The following MRPS5 variants were observed in gnomAD, a reference collection of about 807,000 sequenced individuals.
MRPS5 encodes the protein mitochondrial ribosomal protein S5, also known as small ribosomal subunit protein uS5m.
A neutral mutation model predicts 51.9 loss-of-function variants in MRPS5; 27 were observed. The observed-to-expected ratio is 0.52, with a 90% confidence interval of 0.38 to 0.72. MRPS5 has a LOEUF of 0.72. MRPS5 is among the 30% of genes least tolerant of loss of function. MRPS5 has a pLI of 0.00. For synonymous variants in MRPS5, 196 were observed against 193.2 expected, an observed-to-expected ratio of 1.01 and a Z score of -0.12; for missense variants, 570 against 545.7, an observed-to-expected ratio of 1.04 and a Z score of -0.44.
At chr2:95,100,985 T>C in intron 8 of MRPS5, 91 bp from the exon 9 acceptor site, 8 of 1,153,948 alleles carry the variant, frequency 6.9e-6, no homozygotes, top group East Asian at 2.5e-5. Context: ...TGTTTCATTA[T>C]CAAAAATTCA....
At position 95,086,687 on chromosome 2, in the gene MRPS5, A is replaced by C. The variant is rs1392033677; in HGVS notation, c.*670T>G. Among the ~76,000 whole-genome samples, 1 of 152,014 alleles carries C rather than the reference A, an allele frequency of 6.6e-6. No homozygotes were observed. Among genetic ancestry groups the C allele is most frequent in the African/African-American group, 2.4e-5 (1 of 41,400 alleles). ...AAAACTTCTGTAAAGCATGTATGATAGGGGGGCTTATATCTAGAAACTATA... is the reference window on the plus strand; with the variant it reads ...AAAACTTCTGTAAAGCATGTATGATCGGGGGGCTTATATCTAGAAACTATA... On this transcript the variant is annotated 3_prime_UTR_variant, in exon 12 of 12. Transcript: ENST00000272418.
At chr2:95,099,140 A>C (rs889662511) in intron 10 of MRPS5, among the ~76,000 whole-genome samples, 20 of 151,570 alleles carry the variant, frequency 1.3e-4, no homozygotes, top group African/African-American at 4.8e-4. Context: ...AGATGGTCTC[A>C]ATCTCCGGAC....
rs1218324047 is a variant in MRPS5, at chr2:95,094,734, T to C, written c.932-4212A>G. On this transcript the variant is annotated intron_variant, in intron 10 of 11. Coordinates refer to ENST00000272418, the MANE Select transcript of MRPS5 (RefSeq NM_031902.5). ...TTACAAGAACTCCTGAAGGAAGCAC[T>C]CAACATGGAAAGGAACAACCGGTAC... Among the ~76,000 whole-genome samples, 4 of 152,108 alleles carry C rather than the reference T, an allele frequency of 2.6e-5. No individual in the cohort carries two copies. The East Asian group carries it at 5.8e-4, about 22-fold the overall frequency.
intron 1 of MRPS5, among the ~76,000 whole-genome samples, chr2:95,121,107 G>T (rs1443451083): frequency 4.6e-5 from 7 of 152,100 alleles, no homozygotes; most frequent in Admixed American, 1.3e-4. Context: ...GACAGAGTAA[G>T]ACTGTCTCAA....
intron 11 of MRPS5, among the ~76,000 whole-genome samples, chr2:95,088,712 T>A (rs929149893): frequency 6.6e-6 from 1 of 152,236 alleles, no homozygotes; most frequent in African/African-American, 2.4e-5. Context: ...TTAGGAGAGA[T>A]GACATATGGT....
At position 95,100,822 on chromosome 2, in the gene MRPS5, T is replaced by A. The variant is rs555049031; in HGVS notation, c.868+15A>T. 1.6e-5 allele frequency: 25 copies of A among 1,519,584 alleles called. No individual in the cohort carries two copies. The highest frequency in any genetic ancestry group is 4.6e-5 in the East Asian group (2 of 43,806). 94.1% of individuals were successfully genotyped at this position (1,519,584 alleles called of 1,614,324 possible). ...ATCCTGCAAATTAAAAAAAAAAAAATAGATTATCACTCACTTGTATGGTCT... is the reference window on the plus strand; with the variant it reads ...ATCCTGCAAATTAAAAAAAAAAAAAAAGATTATCACTCACTTGTATGGTCT... On this transcript the variant is annotated intron_variant, in intron 9 of 11. Coordinates refer to ENST00000272418, the MANE Select transcript of MRPS5 (RefSeq NM_031902.5).
At chr2:95,108,041 T>C (rs1002776049) in intron 5 of MRPS5, 134 bp downstream of exon 5, 12 of 711,686 alleles carry the variant, frequency 1.7e-5, no homozygotes, top group South Asian at 3.6e-5. Flanking sequence ...TGATGTGATA[T>C]GTTATTTCAA....
rs1209038914 is a variant in MRPS5 at position 95,087,505 on chromosome 2, A to G, written c.1145T>C (p.Ile382Thr). 6.2e-7 allele frequency: 1 copy of G among 1,614,162 alleles called. No homozygotes were observed. Among genetic ancestry groups the G allele is most frequent in the South Asian group, 1.1e-5 (1 of 91,080 alleles). Reference sequence around the variant, plus strand: ...GGGCCCCCGGGGGGACGCAACCACAATGGGCAGAGGGCCACATTCCTCCCG... The same window carrying G: ...GGGCCCCCGGGGGGACGCAACCACAGTGGGCAGAGGGCCACATTCCTCCCG... ...EIREECGPLP[I>T]VVASPRGPLR... Residue 382 changes from isoleucine to threonine, a missense_variant, in exon 12 of 12, where the codon ATT becomes ACT. Coordinates refer to ENST00000272418, the MANE Select transcript of MRPS5 (RefSeq NM_031902.5).
rs1675433270 is a variant in MRPS5, at chr2:95,090,502, T to C, written c.952A>G (p.Arg318Gly). Residue 318 changes from arginine (R) to glycine (G), a missense_variant, in exon 11 of 12, where the codon AGG (arginine) becomes GGG (glycine). Coordinates refer to ENST00000272418, the MANE Select transcript of MRPS5 (RefSeq NM_031902.5). ...QPKGYGLRCH[R>G]AIITICRLIG... Reference sequence around the variant, plus strand: ...AGCCGGCAGATGGTGATGATGGCCCTGTGGCAGCGGAGGCCGTAACCTAGA... The same window carrying C: ...AGCCGGCAGATGGTGATGATGGCCCCGTGGCAGCGGAGGCCGTAACCTAGA... 2 of 1,613,970 alleles carry C rather than the reference T, an allele frequency of 1.2e-6. No individual in the cohort carries two copies. The highest frequency in any genetic ancestry group is 1.7e-6 in the Non-Finnish European group (2 of 1,180,010).
Position 95,108,314 on chromosome 2 carries a change from C to T in MRPS5, c.498G>A (p.Glu166=). ...TIAQRSKEEQ[E]KVEADMIQQR... is the part of the protein sequence containing the mutation. ...GCTGGATCATGTCTGCCTCCACCTT[C>T]TCCTGCTCTTCCTTGCTTCTTTGGG... The change falls in exon 5 of 12, where the codon GAG becomes GAA. Residue 166 remains glutamate (E), a synonymous_variant. Transcript: ENST00000272418. The T allele has an allele frequency of 1.2e-6, 2 of 1,614,226 alleles. No individual in the cohort carries two copies. Among genetic ancestry groups the T allele is most frequent in the Non-Finnish European group, 1.7e-6 (2 of 1,180,046 alleles).
chr2:95,105,227 A>G (rs1675914040), intron 6 of MRPS5, among the ~76,000 whole-genome samples: 1 of 152,226 alleles, frequency 6.6e-6, no homozygotes, highest in Admixed American at 6.5e-5. Flanking sequence ...ATACCTGCTT[A>G]TTCTGTGTAT....
At chr2:95,099,396 AGTTT>A (rs1011277459) in intron 10 of MRPS5, among the ~76,000 whole-genome samples, 13 of 152,304 alleles carry the variant, frequency 8.5e-5, no homozygotes, top group Admixed American at 5.9e-4. Flanking sequence ...TTTTTTAAAA[AGTTT>A]ATTTAGAGAT....
Position 95,110,016 on chromosome 2 carries a change from G to A in MRPS5, c.303C>T (p.Gly101=), listed in dbSNP as rs113259652. 0.041 allele frequency: 66,051 copies of A among 1,613,364 alleles called. 1,627 individuals are homozygous for A. Among genetic ancestry groups the A allele is most frequent in the Middle Eastern group, 0.067 (406 of 6,058 alleles). ...CTCCAGCACCAGTCTCTGCTAAAGC[G>A]CCTTTCCACAGCTCATCTGCAGTCA... The part of the protein sequence containing the change: ...TKLTADELWK[G]ALAETGAGAK... Residue 101 remains glycine (G), a synonymous_variant, in exon 4 of 12, where the codon GGC becomes GGT. Transcript: ENST00000272418.
At chr2:95,097,672 C>T (rs1675667515) in intron 10 of MRPS5, among the ~76,000 whole-genome samples, 1 of 152,194 alleles carries the variant, frequency 6.6e-6, no homozygotes, top group Non-Finnish European at 1.5e-5. Context: ...TGGATCCCTT[C>T]CTTACACCTT....
rs1168540863 is a variant in MRPS5 at position 95,086,217 on chromosome 2, C to T, written c.*1140G>A. Among the ~76,000 whole-genome samples, 2 of 152,064 alleles carry T rather than the reference C, an allele frequency of 1.3e-5. No homozygotes were observed. The highest frequency in any genetic ancestry group is 3.9e-4 in the East Asian group (2 of 5,192). On this transcript the variant is annotated 3_prime_UTR_variant, in exon 12 of 12. Transcript: ENST00000272418. Reference sequence around the variant, plus strand: ...TTATAGGCGTGAGCCACCACACCTACCTGATGACAAAGATTTTAAAGCAGC... The same window carrying T: ...TTATAGGCGTGAGCCACCACACCTATCTGATGACAAAGATTTTAAAGCAGC...
Position 95,108,734 on chromosome 2 carries a change from A to T in MRPS5, c.404-326T>A, listed in dbSNP as rs1450310188. On this transcript the variant is annotated intron_variant, in intron 4 of 11. Coordinates refer to ENST00000272418, the MANE Select transcript of MRPS5 (RefSeq NM_031902.5). ...TGGTTAAATGAACCACAGCGTCTCCAGCATAGGAAACACTCTGCACTAAAT... is the reference window on the plus strand; with the variant it reads ...TGGTTAAATGAACCACAGCGTCTCCTGCATAGGAAACACTCTGCACTAAAT... 3.3e-5 allele frequency among the ~76,000 whole-genome samples: 5 copies of T among 152,332 alleles called. 1 individual carries two copies. The East Asian group carries it at 5.8e-4, about 18-fold the overall frequency.
intron 3 of MRPS5, among the ~76,000 whole-genome samples, chr2:95,110,830 T>C (rs540266407): frequency 1.4e-4 from 22 of 152,286 alleles, no homozygotes; most frequent in African/African-American, 4.8e-4. Context: ...ATTTCTTTAA[T>C]AAAGAATCGG....
At chr2:95,108,781 T>C (rs1233296067) in intron 4 of MRPS5, among the ~76,000 whole-genome samples, 2 of 152,182 alleles carry the variant, frequency 1.3e-5, no homozygotes, top group African/African-American at 2.4e-5. Flanking sequence ...GGTAACTCTC[T>C]AGGTTCTGAT....
chr2:95,116,714 C>T (rs1381280159), intron 2 of MRPS5, among the ~76,000 whole-genome samples: 1 of 152,226 alleles, frequency 6.6e-6, no homozygotes, highest in African/African-American at 2.4e-5. Context: ...GCCCAAAAAG[C>T]ACCCTCGTGT....
Sources: allele counts gnomAD v4.1 joint callset (sites outside exome capture counted in the v4.1 genomes callset), GRCh38; gene constraint gnomAD v4.1.1; transcripts MANE v1.5; gene names NCBI Gene and HGNC (gene_info 2026-07-23, HGNC 2026-07-21).